PTH2R: variants seen among roughly 807,000 people sequenced by gnomAD.
The protein encoded by PTH2R is parathyroid hormone 2 receptor, also known as PTH2 receptor.
Under a neutral mutation model 60.3 loss-of-function variants are expected in PTH2R, and 59 were observed. That is an observed-to-expected ratio of 0.98 (90% CI 0.79 to 1.22). The LOEUF is 1.22. PTH2R is among the 50% of genes most tolerant of loss of function. The pLI is 0.00. For synonymous variants in PTH2R, 256 were observed against 243.8 expected, an observed-to-expected ratio of 1.05 and a Z score of -0.47; for missense variants, 749 against 682.6, an observed-to-expected ratio of 1.10 and a Z score of -1.08.
intron 9 of PTH2R, among the ~76,000 whole-genome samples, chr2:208,469,531 T>G (rs965848769): frequency 2.0e-5 from 3 of 152,188 alleles, no homozygotes; most frequent in African/African-American, 7.2e-5. Context: ...CATGTCAAGA[T>G]AACTGATTTT....
chr2:208,410,190 C>T (rs1701510602), intron 1 of PTH2R, among the ~76,000 whole-genome samples: 1 of 152,140 alleles, frequency 6.6e-6, no homozygotes, highest in African/African-American at 2.4e-5. Flanking sequence ...ATCAGTAATG[C>T]TACTTGCCAA....
chr2:208,460,822 T>A (rs1702619132), intron 9 of PTH2R, among the ~76,000 whole-genome samples: 1 of 152,164 alleles, frequency 6.6e-6, no homozygotes, highest in South Asian at 2.1e-4. Flanking sequence ...TGATAATAAA[T>A]GTTAAATTAG....
At position 208,487,873 on chromosome 2, in the gene PTH2R, C is replaced by A. The variant is rs189277223; in HGVS notation, c.1077-1139C>A. On this transcript the variant is annotated intron_variant, in intron 10 of 12. Coordinates refer to ENST00000272847, the MANE Select transcript of PTH2R (RefSeq NM_005048.4). ...CTCACAACATGGTGGCTTGCTTCAT[C>A]GAACCAAGCAAGAGAGCCAGTCTGC... Among the ~76,000 whole-genome samples the A allele has an allele frequency of 2.6e-5, 4 of 152,166 alleles. No homozygotes were observed. The East Asian group carries it at 7.7e-4, about 29-fold the overall frequency.
At chr2:208,480,819 A>G (rs1455310889) in intron 9 of PTH2R, among the ~76,000 whole-genome samples, 1 of 152,198 alleles carries the variant, frequency 6.6e-6, no homozygotes, top group Non-Finnish European at 1.5e-5. Context: ...CAGTTTAGAA[A>G]GCTCCTGTGG....
intron 8 of PTH2R, among the ~76,000 whole-genome samples, chr2:208,459,344 A>T (rs994279941): frequency 2.0e-5 from 3 of 152,210 alleles, no homozygotes; most frequent in Non-Finnish European, 4.4e-5. Flanking sequence ...TATTTACAGG[A>T]TACTAATCAA....
In PTH2R at chr2:208,388,141, C is replaced by CCCCT. The variant is rs1553541039; in HGVS notation, c.-259+27906_-259+27907insCTCC. 2.7e-5 allele frequency among the ~76,000 whole-genome samples: 4 copies of CCCCT among 150,418 alleles called. No individual in the cohort carries two copies. The South Asian group carries it at 6.5e-4, about 24-fold the overall frequency. ...TGGCTAACATGGTGAAACCCCCCCCCCCGTCTCTACTAAAAATACAAAAAA... is the reference window on the plus strand; with the variant it reads ...TGGCTAACATGGTGAAACCCCCCCCCCCCTCCGTCTCTACTAAAAATACAAAAAA... On this transcript the variant is annotated intron_variant, in intron 1 of 12. Transcript: ENST00000617735.
intron 9 of PTH2R, among the ~76,000 whole-genome samples, chr2:208,472,656 C>CT (rs899470037): frequency 3.5e-4 from 53 of 152,042 alleles, no homozygotes; most frequent in Non-Finnish European, 4.9e-4. Flanking sequence ...TCCATTAAAC[C>CT]TTTTTTTTGT....
At chr2:208,428,912 C>G (rs2105855339) in intron 2 of PTH2R, among the ~76,000 whole-genome samples, 1 of 152,206 alleles carries the variant, frequency 6.6e-6, no homozygotes, top group East Asian at 1.9e-4. Context: ...TGGTGAAACC[C>G]TATCTCTACT....
intron 1 of PTH2R, among the ~76,000 whole-genome samples, chr2:208,410,667 A>G (rs1361599899): frequency 6.6e-6 from 1 of 152,236 alleles, no homozygotes; most frequent in Non-Finnish European, 1.5e-5. Flanking sequence ...TGTGACAGAA[A>G]CAATAGGATA....
intron 9 of PTH2R, among the ~76,000 whole-genome samples, chr2:208,476,375 C>G (rs933021610): frequency 1.3e-5 from 2 of 152,102 alleles, no homozygotes; most frequent in African/African-American, 4.8e-5. Context: ...CTTCAGAACT[C>G]CTTTTCTTTT....
intron 12 of PTH2R, among the ~76,000 whole-genome samples, chr2:208,492,385 A>G (rs1703423439): frequency 6.6e-6 from 1 of 152,178 alleles, no homozygotes; most frequent in East Asian, 1.9e-4. Context: ...AGCTGAGCCC[A>G]ATTCCACTTC....
At chr2:208,425,199 G>A (rs1701833465) in intron 1 of PTH2R, among the ~76,000 whole-genome samples, 1 of 152,010 alleles carries the variant, frequency 6.6e-6, no homozygotes, top group Non-Finnish European at 1.5e-5. Flanking sequence ...TCATTGTGAA[G>A]GCAATGATTT....
chr2:208,481,426 G>T (rs535857366), intron 10 of PTH2R, among the ~76,000 whole-genome samples: 5 of 152,062 alleles, frequency 3.3e-5, no homozygotes, highest in Non-Finnish European at 5.9e-5. Context: ...GGCCAGGCTG[G>T]TCTCAAACTC....
At chr2:208,433,521 T>A (rs1277398164) in intron 2 of PTH2R, among the ~76,000 whole-genome samples, 2 of 152,192 alleles carry the variant, frequency 1.3e-5, no homozygotes, top group African/African-American at 4.8e-5. Flanking sequence ...TAGCAAAAAA[T>A]AAATTAGATT....
intron 2 of PTH2R, 124 bp downstream of exon 2, chr2:208,428,427 G>T: frequency 1.5e-6 from 1 of 668,688 alleles, no homozygotes; most frequent in Non-Finnish European, 2.6e-6. Flanking sequence ...TCCATGTGGA[G>T]GGGTGTGCAG....
At chr2:208,443,592 G>A in intron 6 of PTH2R, 55 bp downstream of exon 6, 1 of 1,432,346 alleles carries the variant, frequency 7.0e-7, no homozygotes, top group Non-Finnish European at 9.4e-7. Flanking sequence ...CTACAAATAA[G>A]TACAATTTTA....
At chr2:208,397,315 AAG>A (rs1176301661) in intron 1 of PTH2R, among the ~76,000 whole-genome samples, 2 of 152,080 alleles carry the variant, frequency 1.3e-5, no homozygotes, top group African/African-American at 4.8e-5. Context: ...TAAAAAAAAA[AAG>A]AGGCCAAGAG....
chr2:208,398,060 TAAAAC>T (rs1701245372), intron 1 of PTH2R, among the ~76,000 whole-genome samples: 1 of 152,224 alleles, frequency 6.6e-6, no homozygotes, highest in Non-Finnish European at 1.5e-5. Flanking sequence ...TCATGAAACT[TAAAAC>T]TAAAATCAAA....
intron 10 of PTH2R, among the ~76,000 whole-genome samples, chr2:208,486,402 T>C (rs1408009061): frequency 6.6e-6 from 1 of 152,212 alleles, no homozygotes; most frequent in Non-Finnish European, 1.5e-5. Flanking sequence ...TTCCTTATTC[T>C]GCATTGAACC....
Sources: gnomAD v4.1 joint callset for allele counts (sites outside exome capture counted in the v4.1 genomes callset) on GRCh38, gnomAD v4.1.1 for gene constraint, MANE v1.5 for transcripts, NCBI Gene and HGNC (gene_info 2026-07-23, HGNC 2026-07-21) for gene names.